Variants in NFATC2 observed in about 807,000 individuals in gnomAD.
NFATC2 encodes the protein nuclear factor of activated T cells 2, also known as nuclear factor of activated T-cells, cytoplasmic 2.
NFATC2 carries 22 observed loss-of-function variants against 87.3 expected under a neutral mutation model. That is an observed-to-expected ratio of 0.25 (90% CI 0.18 to 0.36). NFATC2 has a LOEUF of 0.36. NFATC2 is among the 10% of genes least tolerant of loss of function. The pLI is 1.00. For missense variants in NFATC2, 1,149 were observed against 1,259.1 expected (o/e 0.91, Z 1.32); for synonymous variants, 565 against 542.2 (o/e 1.04, Z -0.58).
At chr20:51,452,083 C>G (rs531650959) in intron 6 of NFATC2, among the ~76,000 whole-genome samples, 1 of 152,246 alleles carries the variant, frequency 6.6e-6, no homozygotes, top group East Asian at 1.9e-4. Flanking sequence ...GGTGCAGAGT[C>G]TTCTTGCCTA....
At chr20:51,491,818 T>C (rs2075889463) in intron 3 of NFATC2, among the ~76,000 whole-genome samples, 1 of 150,888 alleles carries the variant, frequency 6.6e-6, no homozygotes, top group Non-Finnish European at 1.5e-5. Context: ...TCTTCTCCCA[T>C]TGATTTTCAC....
At chr20:51,560,787 G>T (rs2077014326) in intron 1 of NFATC2, among the ~76,000 whole-genome samples, 1 of 152,196 alleles carries the variant, frequency 6.6e-6, no homozygotes, top group African/African-American at 2.4e-5. Context: ...AGCATGGGCT[G>T]GGGAGGGTAG....
intron 10 of NFATC2, among the ~76,000 whole-genome samples, chr20:51,396,137 G>A (rs116061998): frequency 0.01 from 1,461 of 145,864 alleles, 33 homozygotes; most frequent in African/African-American, 0.036. Flanking sequence ...CTCTTTGCCT[G>A]CTTTTTGAGG....
intron 3 of NFATC2, among the ~76,000 whole-genome samples, chr20:51,485,532 ATT>A (rs35854188): frequency 2.7e-5 from 4 of 148,394 alleles, no homozygotes; most frequent in African/African-American, 9.9e-5. Context: ...TTTCTTGTTG[ATT>A]TTTTTTTTTT....
In NFATC2 at chr20:51,540,647, G is replaced by GTTTTTTTTTTTTT. The variant is rs375172598; in HGVS notation, c.130+1722_130+1723insAAAAAAAAAAAAA. Among the ~76,000 whole-genome samples the GTTTTTTTTTTTTT allele has an allele frequency of 4.8e-3, 542 of 112,896 alleles. 119 individuals are homozygous for GTTTTTTTTTTTTT. Among genetic ancestry groups the GTTTTTTTTTTTTT allele is most frequent in the African/African-American group, 0.021 (477 of 22,824 alleles). The allele number at this position is 112,896 out of a possible 152,430, so 74.1% of individuals were successfully genotyped here. ...ATCTGAAACTGTTCCAAAAACTGAA[G>GTTTTTTTTTTTTT]TTTTTTTTTTGTTTTTTTTTTTTTG... On this transcript the variant is annotated intron_variant, in intron 1 of 10. Coordinates refer to ENST00000371564, the MANE Select transcript of NFATC2 (RefSeq NM_012340.5).
At chr20:51,474,967 A>ATTT (rs201111632) in intron 4 of NFATC2, among the ~76,000 whole-genome samples, 1 of 141,412 alleles carries the variant, frequency 7.1e-6, no homozygotes, top group African/African-American at 2.7e-5. Context: ...ATTATACTTT[A>ATTT]TTTATTTTTT....
At chr20:51,441,547 C>T (rs895561303) in intron 6 of NFATC2, among the ~76,000 whole-genome samples, 1 of 151,770 alleles carries the variant, frequency 6.6e-6, no homozygotes, top group Non-Finnish European at 1.5e-5. Context: ...GAAACCCTGT[C>T]TCTACTAAAA....
chr20:51,530,058 G>T (rs761001090), intron 1 of NFATC2, among the ~76,000 whole-genome samples: 1 of 152,236 alleles, frequency 6.6e-6, no homozygotes, highest in East Asian at 1.9e-4. Flanking sequence ...ACATTTCCAA[G>T]ACCCCAGAAA....
chr20:51,401,926 T>G (rs1988088608), intron 9 of NFATC2, among the ~76,000 whole-genome samples: 1 of 152,122 alleles, frequency 6.6e-6, no homozygotes, highest in Admixed American at 6.6e-5. Flanking sequence ...ACAACTAGCT[T>G]CCCAGACTTC....
At chr20:51,545,788 G>A (rs1410981941), upstream of NFATC2, among the ~76,000 whole-genome samples, 1 of 152,088 alleles carries the variant, frequency 6.6e-6, no homozygotes, top group African/African-American at 2.4e-5. Flanking sequence ...ACGGATGGAT[G>A]GAGGATAAAT....
At chr20:51,485,342 G>A (rs148784659) in intron 3 of NFATC2, among the ~76,000 whole-genome samples, 1 of 152,226 alleles carries the variant, frequency 6.6e-6, no homozygotes, top group East Asian at 1.9e-4. Flanking sequence ...TCCCTTCTCT[G>A]CTCTCAGCTG....
intron 2 of NFATC2, among the ~76,000 whole-genome samples, chr20:51,517,357 C>T (rs992252803): frequency 2.6e-5 from 4 of 151,924 alleles, no homozygotes; most frequent in Non-Finnish European, 5.9e-5. Flanking sequence ...GGGAAGACAA[C>T]ATGGGTGGAT....
chr20:51,441,432 T>C (rs1247402088), intron 6 of NFATC2, among the ~76,000 whole-genome samples: 2 of 150,028 alleles, frequency 1.3e-5, no homozygotes, highest in African/African-American at 4.9e-5. Flanking sequence ...ATGATAAAGT[T>C]TGGCCAGGTT....
chr20:51,480,258 C>T lies in NFATC2; in HGVS notation c.1333-4598G>A, dbSNP rs183126599. 6.6e-5 allele frequency among the ~76,000 whole-genome samples: 10 copies of T among 151,542 alleles called. No individual in the cohort carries two copies. Among genetic ancestry groups the T allele is most frequent in the East Asian group, 1.9e-4 (1 of 5,178 alleles). On this transcript the variant is annotated intron_variant, in intron 3 of 10. Coordinates refer to ENST00000371564, the MANE Select transcript of NFATC2 (RefSeq NM_012340.5). This position sits in a 1 kb window ranked among gnomAD's most constrained non-coding sequence, Gnocchi z 4.2. ...AGCCGATATTGCACCACTGCACTCCCGCCTGGGTCACAAAGCAAGACTCTG... is the reference window on the plus strand; with the variant it reads ...AGCCGATATTGCACCACTGCACTCCTGCCTGGGTCACAAAGCAAGACTCTG...
intron 2 of NFATC2, among the ~76,000 whole-genome samples, chr20:51,519,555 C>T (rs1024189131): frequency 4.6e-5 from 7 of 151,444 alleles, no homozygotes; most frequent in African/African-American, 7.3e-5. Context: ...ACCCAGGAGG[C>T]GGAGGTTGCA....
chr20:51,483,433 G>C (rs773749585), intron 3 of NFATC2, among the ~76,000 whole-genome samples: 8 of 152,056 alleles, frequency 5.3e-5, no homozygotes, highest in African/African-American at 7.3e-5. Context: ...AGCCCAGGGT[G>C]GGGGAGAAGG....
Position 51,395,579 on chromosome 20 carries a change from AAAGAC to A in NFATC2, c.*44+3059_*44+3063del, listed in dbSNP as rs1223329874. 2.8e-4 allele frequency among the ~76,000 whole-genome samples: 12 copies of A among 42,692 alleles called. No individual in the cohort carries two copies. The African/African-American group carries it at 3.1e-3, about 11-fold the overall frequency. The allele number at this position is 42,692 out of a possible 152,430, so 28.0% of individuals were successfully genotyped here. On this transcript the variant is annotated intron_variant, in intron 10 of 10. Coordinates refer to ENST00000371564, the MANE Select transcript of NFATC2 (RefSeq NM_012340.5). Reference sequence around the variant, plus strand: ...CTCATCCTTAGACAGAGGTGCCCTAAAAGACTGATGGAGAATGATCTCACAGAGGT... The same window carrying A: ...CTCATCCTTAGACAGAGGTGCCCTAATGATGGAGAATGATCTCACAGAGGT...
chr20:51,424,482 A>G (rs78119787), intron 9 of NFATC2, among the ~76,000 whole-genome samples: 1 of 152,316 alleles, frequency 6.6e-6, no homozygotes, highest in Non-Finnish European at 1.5e-5. Flanking sequence ...AAAGAGCTTT[A>G]CAGGACGCCC....
At chr20:51,543,248 C>T (rs2076854670), upstream of NFATC2, among the ~76,000 whole-genome samples, 1 of 152,212 alleles carries the variant, frequency 6.6e-6, no homozygotes, top group Non-Finnish European at 1.5e-5. Flanking sequence ...AGCTATGCCT[C>T]CTGGCCACCT....
Sources: allele counts gnomAD v4.1 joint callset (sites outside exome capture counted in the v4.1 genomes callset), GRCh38; gene constraint gnomAD v4.1.1; non-coding constraint Gnocchi (gnomAD v3.1); transcripts MANE v1.5; gene names NCBI Gene and HGNC (gene_info 2026-07-23, HGNC 2026-07-21).